The following CCT2 variants were observed in gnomAD, a reference collection of about 807,000 sequenced individuals.
CCT2 encodes T-complex protein 1 subunit beta.
A neutral mutation model predicts 61.8 loss-of-function variants in CCT2; 18 were observed. The observed-to-expected ratio is 0.29, with a 90% CI of 0.20 to 0.43. CCT2 has a LOEUF of 0.43. Among genes scored for constraint, CCT2 ranks in the 20% least tolerant of loss-of-function variants. The pLI is 1.00. For missense variants in CCT2, 556 were observed against 656.9 expected (o/e 0.85, Z 1.68); for synonymous variants, 248 against 215.9 (o/e 1.15, Z -1.30).
intron 7 of CCT2, among the ~76,000 whole-genome samples, chr12:69,590,341 T>G (rs951778991): frequency 6.6e-6 from 1 of 152,214 alleles, no homozygotes; most frequent in Non-Finnish European, 1.5e-5. Flanking sequence ...CTAGTTTTTT[T>G]TAGAAAAGAA....
Position 69,601,515 on chromosome 12 carries a change from G to C in CCT2, c.*190G>C. 1 of 1,429,496 alleles carries C rather than the reference G, an allele frequency of 7.0e-7. No individual in the cohort carries two copies. The highest frequency in any genetic ancestry group is 9.2e-7 in the Non-Finnish European group (1 of 1,092,794). 88.6% of individuals were successfully genotyped at this position (1,429,496 alleles called of 1,614,324 possible). A position where few individuals can be genotyped will look rare whatever the true frequency, so the allele number is the denominator to read the frequency against. Reference sequence around the variant, plus strand: ...GTGTCATTTTCCATACAAATCAGTTGATTTAAAAAAGTTCATTTCTCATAC... The same window carrying C: ...GTGTCATTTTCCATACAAATCAGTTCATTTAAAAAAGTTCATTTCTCATAC... On this transcript the variant is annotated 3_prime_UTR_variant, in exon 16 of 16. Transcript: ENST00000299300.
Position 69,600,035 on chromosome 12 carries a change from C to T in CCT2, c.1577+31C>T, listed in dbSNP as rs747244874. On this transcript the variant is annotated intron_variant, in intron 15 of 15. Transcript: ENST00000299300. The stretch of plus-strand genomic sequence containing the variant: ...CTAACACTTTTCTCAGAAAAAATTA[C>T]TAACAGCAAAACAAAATAGGGAGCT... The T allele has an allele frequency of 1.9e-6, 3 of 1,575,266 alleles. No individual in the cohort carries two copies. In the South Asian group the frequency reaches 3.6e-5, roughly 19 times the overall value.
At chr12:69,599,323 C>G (rs1396707754) in intron 14 of CCT2, among the ~76,000 whole-genome samples, 2 of 152,172 alleles carry the variant, frequency 1.3e-5, no homozygotes, top group Non-Finnish European at 2.9e-5. Context: ...AAGCAATCCT[C>G]CTGCCTCAGC....
chr12:69,592,585 A>C (rs1160683569), intron 8 of CCT2: 1 of 191,150 alleles, frequency 5.2e-6, no homozygotes, highest in Non-Finnish European at 1.1e-5. Context: ...ATATACACAT[A>C]TATATACGTT....
chr12:69,593,039 A>C lies in CCT2; in HGVS notation c.814A>C (p.Lys272Gln), dbSNP rs1881883514. 6.2e-7 allele frequency: 1 copy of C among 1,613,698 alleles called. No homozygotes were observed. The highest frequency in any genetic ancestry group is 1.3e-5 in the African/African-American group (1 of 74,928). ...GGTTGCAGAAATAGAACATGCGGAA[A>C]AGGAAAAAATGAAGGAGAAAGTTGA... ...AKVAEIEHAE[K>Q]EKMKEKVERI... is the part of the protein sequence containing the mutation. Residue 272 changes from lysine (K) to glutamine (Q), a missense_variant, in exon 9 of 16, where the codon AAG becomes CAG. Lys to Gln is a moderately conservative substitution (Grantham distance 53). Transcript: ENST00000299300.
intron 10 of CCT2, among the ~76,000 whole-genome samples, chr12:69,594,691 C>G (rs1881935813): frequency 6.6e-6 from 1 of 151,934 alleles, no homozygotes; most frequent in African/African-American, 2.4e-5. Context: ...ACTGTCTCTA[C>G]AAAAAATTAG....
intron 11 of CCT2, 30 bp from the exon 12 acceptor site, chr12:69,597,608 C>G: frequency 1.2e-6 from 2 of 1,606,412 alleles, no homozygotes; most frequent in Non-Finnish European, 1.7e-6. Context: ...CTTTTTATCC[C>G]TAAGTGGTCA....
At chr12:69,585,905 G>C in intron 1 of CCT2, 1 of 1,271,224 alleles carries the variant, frequency 7.9e-7, no homozygotes, top group South Asian at 1.9e-5. Context: ...TTCCGAGGGT[G>C]GAAGATGGAG....
chr12:69,595,699 A>G (rs893172610), intron 10 of CCT2, among the ~76,000 whole-genome samples: 1 of 151,888 alleles, frequency 6.6e-6, no homozygotes, highest in Non-Finnish European at 1.5e-5. Flanking sequence ...AAAAAAAAAA[A>G]AAAAAAAAGA....
At chr12:69,595,768 A>G (rs1039692372) in intron 10 of CCT2, among the ~76,000 whole-genome samples, 7 of 150,562 alleles carry the variant, frequency 4.6e-5, no homozygotes, top group Non-Finnish European at 8.9e-5. Flanking sequence ...AGGTCTTGAC[A>G]TGAAATTGCT....
chr12:69,591,354 T>A (rs1245438070), intron 7 of CCT2, among the ~76,000 whole-genome samples: 1 of 152,204 alleles, frequency 6.6e-6, no homozygotes, highest in East Asian at 1.9e-4. Context: ...CATTCCTGTT[T>A]TACAAATTAG....
intron 10 of CCT2, 57 bp from the exon 11 acceptor site, chr12:69,597,099 G>GA (rs1260384202): frequency 1.0e-5 from 16 of 1,563,996 alleles, no homozygotes; most frequent in East Asian, 4.5e-5. Context: ...CTGCTTATTA[G>GA]AAAACAGGAA....
chr12:69,595,540 T>C (rs187511216), intron 10 of CCT2, among the ~76,000 whole-genome samples: 1 of 151,882 alleles, frequency 6.6e-6, no homozygotes, highest in Admixed American at 6.6e-5. Flanking sequence ...ATAAAAAAAT[T>C]AGCCAGGCGT....
rs747620156 is a variant in CCT2, at chr12:69,598,251, A to G, written c.1336-71A>G. On this transcript the variant is annotated intron_variant, in intron 13 of 15. Transcript: ENST00000299300. ...CCTAAATGTATAATTTTAAAAAGCTATCCTAGTTAGGAGTAAATCAGTGGT... is the reference window on the plus strand; with the variant it reads ...CCTAAATGTATAATTTTAAAAAGCTGTCCTAGTTAGGAGTAAATCAGTGGT... The G allele has an allele frequency of 5.9e-6, 7 of 1,189,162 alleles. No homozygotes were observed. The Admixed American group carries it at 6.8e-5, about 12-fold the overall frequency. 73.7% of individuals were successfully genotyped at this position (1,189,162 alleles called of 1,614,324 possible).
At chr12:69,593,717 G>C in intron 10 of CCT2, 104 bp downstream of exon 10, 1 of 614,154 alleles carries the variant, frequency 1.6e-6, no homozygotes, top group Non-Finnish European at 2.9e-6. Flanking sequence ...AATTTCAGCA[G>C]TTATTCTGAA....
intron 13 of CCT2, 88 bp downstream of exon 13, chr12:69,598,159 G>C (rs1455959612): frequency 5.6e-6 from 6 of 1,065,904 alleles, no homozygotes; most frequent in Non-Finnish European, 8.3e-6. Context: ...GGTTAATACT[G>C]CTTTTAAATT....
At position 69,586,317 on chromosome 12, in the gene CCT2, T is replaced by G. The variant is rs1040359309; in HGVS notation, c.51T>G (p.Asp17Glu). 2 of 1,613,280 alleles carry G rather than the reference T, an allele frequency of 1.2e-6. No individual in the cohort carries two copies. The highest frequency in any genetic ancestry group is 2.7e-5 in the African/African-American group (2 of 74,996). ...APVNIFKAGA[D>E]EERAETARLT... ...TTAACATCTTTAAGGCAGGAGCTGATGAAGAGAGAGCAGAGACAGCTCGTC... is the reference window on the plus strand; with the variant it reads ...TTAACATCTTTAAGGCAGGAGCTGAGGAAGAGAGAGCAGAGACAGCTCGTC... The change falls in exon 2 of 16, where the codon GAT becomes GAG. Residue 17 changes from aspartate (D) to glutamate (E), a missense_variant. By Grantham distance (45) the Asp-to-Glu change is conservative. Coordinates refer to ENST00000299300, the MANE Select transcript of CCT2 (RefSeq NM_006431.3).
At chr12:69,589,232 A>C in intron 6 of CCT2, 1 of 498,616 alleles carries the variant, frequency 2.0e-6, no homozygotes, top group East Asian at 3.7e-5. Flanking sequence ...GCCATTTCTC[A>C]CATTCTTGCC....
chr12:69,590,916 G>C (rs1397991640), intron 7 of CCT2, among the ~76,000 whole-genome samples: 1 of 151,248 alleles, frequency 6.6e-6, no homozygotes, highest in Non-Finnish European at 1.5e-5. Context: ...ACGGGGTATC[G>C]CCATGTTGAC....
Sources: gnomAD v4.1 joint callset for allele counts (sites outside exome capture counted in the v4.1 genomes callset) on GRCh38, gnomAD v4.1.1 for gene constraint, MANE v1.5 for transcripts, NCBI Gene and HGNC (gene_info 2026-07-23, HGNC 2026-07-21) for gene names.